Variants in ZHX3 observed in about 807,000 individuals in gnomAD.
ZHX3 encodes the protein zinc fingers and homeoboxes 3, also known as zinc fingers and homeoboxes protein 3.
Under a neutral mutation model 64.5 loss-of-function variants are expected in ZHX3, and 20 were observed. That is an observed-to-expected ratio of 0.31 (90% CI 0.22 to 0.45). ZHX3 has a LOEUF of 0.45. ZHX3 is among the 20% of genes least tolerant of loss of function. ZHX3 has a pLI of 1.00. For missense variants in ZHX3, 1,041 were observed against 1,195.8 expected (o/e 0.87, Z 1.91); for synonymous variants, 423 against 461.6 (o/e 0.92, Z 1.07).
intron 2 of ZHX3, among the ~76,000 whole-genome samples, chr20:41,261,909 C>G (rs1389592112): frequency 6.6e-6 from 1 of 152,176 alleles, no homozygotes; most frequent in Non-Finnish European, 1.5e-5. Flanking sequence ...CTAAAATAAA[C>G]TTTCCCCTGC....
intron 1 of ZHX3, among the ~76,000 whole-genome samples, chr20:41,278,814 C>G (rs937684622): frequency 7.1e-6 from 1 of 141,076 alleles, no homozygotes; most frequent in Admixed American, 7.0e-5. Context: ...CCTCTGTCAC[C>G]CAGGCTGGAG....
At chr20:41,284,162 T>C (rs2043825044) in intron 1 of ZHX3, among the ~76,000 whole-genome samples, 1 of 152,154 alleles carries the variant, frequency 6.6e-6, no homozygotes, top group African/African-American at 2.4e-5. Flanking sequence ...ATTACCTAAT[T>C]ACTTAAGAAG....
rs190843933 is a variant in ZHX3, at chr20:41,299,409, A to G, written c.-245+18100T>C. ...CTCTGCTAGGCTCAGAAAACTAAAC[A>G]TTGAAAAAAATCAAGAAATATTCTA... On this transcript the variant is annotated intron_variant, in intron 1 of 3. Coordinates refer to ENST00000683867, the MANE Select transcript of ZHX3 (RefSeq NM_001384317.1). Among the ~76,000 whole-genome samples the G allele has an allele frequency of 5.9e-5, 9 of 152,342 alleles. No homozygotes were observed. The East Asian group carries it at 1.7e-3, about 29-fold the overall frequency.
At chr20:41,246,535 GA>G (rs2041697212) in intron 2 of ZHX3, among the ~76,000 whole-genome samples, 1 of 152,024 alleles carries the variant, frequency 6.6e-6, no homozygotes, top group Admixed American at 6.6e-5. Flanking sequence ...AGGTTAAGAA[GA>G]AAAAAATCCA....
intron 2 of ZHX3, among the ~76,000 whole-genome samples, chr20:41,208,709 T>C (rs945137769): frequency 2.0e-5 from 3 of 152,120 alleles, no homozygotes; most frequent in Non-Finnish European, 4.4e-5. Flanking sequence ...ATAAGAGCTA[T>C]TTATGACAAA....
At chr20:41,304,381 T>G (rs1157835137) in intron 1 of ZHX3, among the ~76,000 whole-genome samples, 1 of 152,144 alleles carries the variant, frequency 6.6e-6, no homozygotes, top group Non-Finnish European at 1.5e-5. Context: ...ACAATCTGGC[T>G]ACACGTGCCT....
At chr20:41,216,034 A>C (rs1268334598) in intron 2 of ZHX3, among the ~76,000 whole-genome samples, 1 of 152,176 alleles carries the variant, frequency 6.6e-6, no homozygotes, top group African/African-American at 2.4e-5. Flanking sequence ...ATAATATTCT[A>C]AAGATCAAGT....
At chr20:41,309,929 C>T (rs1024797426) in intron 1 of ZHX3, among the ~76,000 whole-genome samples, 9 of 152,298 alleles carry the variant, frequency 5.9e-5, no homozygotes, top group Admixed American at 3.9e-4. Context: ...ATCTGTCATG[C>T]CCAGTAATTA....
chr20:41,211,410 G>A (rs922020894), intron 2 of ZHX3, among the ~76,000 whole-genome samples: 1 of 151,794 alleles, frequency 6.6e-6, no homozygotes, highest in African/African-American at 2.4e-5. Context: ...TGAAGGTGAG[G>A]GTAAACATAA....
intron 1 of ZHX3, among the ~76,000 whole-genome samples, chr20:41,282,021 T>C (rs1003981176): frequency 5.3e-5 from 8 of 152,138 alleles, no homozygotes; most frequent in Admixed American, 5.2e-4. Flanking sequence ...GTAGTCCTTC[T>C]TGTGGATTGG....
intron 2 of ZHX3, among the ~76,000 whole-genome samples, chr20:41,261,219 A>C (rs1277601734): frequency 6.6e-6 from 1 of 152,246 alleles, no homozygotes; most frequent in Non-Finnish European, 1.5e-5. Flanking sequence ...AATAGATTAC[A>C]TGAAGGGGAA....
At chr20:41,274,457 G>C (rs915143845) in intron 1 of ZHX3, among the ~76,000 whole-genome samples, 1 of 152,192 alleles carries the variant, frequency 6.6e-6, no homozygotes, top group African/African-American at 2.4e-5. Flanking sequence ...ACTGTAGTTG[G>C]ACAGGGTGTC....
In ZHX3 at chr20:41,204,505, A is replaced by G; in HGVS notation, c.412T>C (p.Phe138Leu). The G allele has an allele frequency of 6.2e-7, 1 of 1,614,174 alleles. No homozygotes were observed. Among genetic ancestry groups the G allele is most frequent in the Non-Finnish European group, 8.5e-7 (1 of 1,180,030 alleles). ...NATCHSGEAS[F>L]VWNVAKPDNH... ...TCTGGCTTGGCCACGTTCCACACAA[A>G]GCTGGCTTCCCCGGAGTGACATGTG... Residue 138 changes from phenylalanine to leucine, a missense_variant, in exon 3 of 4, where the codon TTT becomes CTT. Physicochemically the swap from Phe to Leu is conservative, Grantham distance 22. Coordinates refer to ENST00000683867, the MANE Select transcript of ZHX3 (RefSeq NM_001384317.1). The surrounding 1 kb of genome is among the most constrained non-coding windows in gnomAD (Gnocchi z 6.6).
chr20:41,279,900 G>C (rs1234819135), intron 1 of ZHX3, among the ~76,000 whole-genome samples: 6 of 152,210 alleles, frequency 3.9e-5, no homozygotes, highest in Non-Finnish European at 7.3e-5. Flanking sequence ...GCTGGATGTA[G>C]AAGTAGAAGT....
intron 2 of ZHX3, among the ~76,000 whole-genome samples, chr20:41,206,378 G>A (rs1411268036): frequency 6.6e-6 from 1 of 152,138 alleles, no homozygotes; most frequent in Non-Finnish European, 1.5e-5. Context: ...GATGCTCGAA[G>A]CCATCACAAA....
At position 41,204,707 on chromosome 20, in the gene ZHX3, G is replaced by A; in HGVS notation, c.210C>T (p.Ser70=). 2 of 1,614,252 alleles carry A rather than the reference G, an allele frequency of 1.2e-6. No homozygotes were observed. The highest frequency in any genetic ancestry group is 2.7e-5 in the African/African-American group (2 of 75,072). Residue 70 remains serine, a synonymous_variant, in exon 3 of 4, where the codon AGC becomes AGT. Coordinates refer to ENST00000683867, the MANE Select transcript of ZHX3 (RefSeq NM_001384317.1). This position sits in a 1 kb window ranked among gnomAD's most constrained non-coding sequence, Gnocchi z 6.6. ...DGSTLANGHR[S]TLDGYLYSCK... ...AGGAATATAAATAGCCATCTAAAGTGCTCCGATGCCCATTGGCCAGTGTAG... is the reference window on the plus strand; with the variant it reads ...AGGAATATAAATAGCCATCTAAAGTACTCCGATGCCCATTGGCCAGTGTAG...
At position 41,278,860 on chromosome 20, in the gene ZHX3, C is replaced by T. The variant is rs538780998; in HGVS notation, c.-244-9777G>A. Among the ~76,000 whole-genome samples, 14 of 147,338 alleles carry T rather than the reference C, an allele frequency of 9.5e-5. No homozygotes were observed. In the East Asian group the frequency reaches 2.0e-3, roughly 21 times the overall value. ...TGATCTGGGCTCACTGCAAGCTCTG[C>T]CTCCCGGGTTCATGCCATTCTCCTG... On this transcript the variant is annotated intron_variant, in intron 1 of 3. Coordinates refer to ENST00000683867, the MANE Select transcript of ZHX3 (RefSeq NM_001384317.1).
chr20:41,297,365 G>C (rs1271500429), intron 1 of ZHX3, among the ~76,000 whole-genome samples: 1 of 152,186 alleles, frequency 6.6e-6, no homozygotes, highest in East Asian at 1.9e-4. Context: ...CCTGTGAATT[G>C]ACAAGAAGTT....
rs771754509 is a variant in ZHX3 at position 41,203,092 on chromosome 20, G to T, written c.1825C>A (p.Pro609Thr). 6.2e-7 allele frequency: 1 copy of T among 1,614,152 alleles called. No individual in the cohort carries two copies. Residue 609 changes from proline (P) to threonine (T), a missense_variant, in exon 3 of 4, where the codon CCT (proline) becomes ACT (threonine). By Grantham distance (38) the Pro-to-Thr change is conservative (BLOSUM62 -1). Coordinates refer to ENST00000683867, the MANE Select transcript of ZHX3 (RefSeq NM_001384317.1). This position sits in a 1 kb window ranked among gnomAD's most constrained non-coding sequence, Gnocchi z 7.1. ...SAKRQSWHQT[P>T]DFTPTKYKER... ...TTGTATTTGGTTGGTGTGAAGTCAGGAGTCTGGTGCCAAGATTGTCGTTTG... is the reference window on the plus strand; with the variant it reads ...TTGTATTTGGTTGGTGTGAAGTCAGTAGTCTGGTGCCAAGATTGTCGTTTG...
Sources: allele counts gnomAD v4.1 joint callset (sites outside exome capture counted in the v4.1 genomes callset), GRCh38; gene constraint gnomAD v4.1.1; non-coding constraint Gnocchi (gnomAD v3.1); transcripts MANE v1.5; gene names NCBI Gene and HGNC (gene_info 2026-07-23, HGNC 2026-07-21).